The following BAIAP2 variants were observed in gnomAD, a reference collection of about 807,000 sequenced individuals.
The protein encoded by BAIAP2 is BAR/IMD domain containing adaptor protein 2, also known as BAR/IMD domain-containing adapter protein 2.
A neutral mutation model predicts 63.0 loss-of-function variants in BAIAP2; 18 were observed. That is an observed-to-expected ratio of 0.29 (90% CI 0.20 to 0.42). The LOEUF is 0.42. Among genes scored for constraint, BAIAP2 ranks in the 10% least tolerant of loss-of-function variants. BAIAP2 has a pLI of 1.00. For missense variants in BAIAP2, 610 were observed against 734.3 expected (o/e 0.83, Z 1.96); for synonymous variants, 386 against 307.6 (o/e 1.25, Z -2.67).
Position 81,116,473 on chromosome 17 carries a change from T to G in BAIAP2, c.*634T>G. 22 of 737,352 alleles carry G rather than the reference T, an allele frequency of 3.0e-5. No homozygotes were observed. Among genetic ancestry groups the G allele is most frequent in the Non-Finnish European group, 4.6e-5 (22 of 483,446 alleles). 45.7% of individuals were successfully genotyped at this position (737,352 alleles called of 1,614,324 possible). A position where few individuals can be genotyped will look rare whatever the true frequency, so the allele number is the denominator to read the frequency against. On this transcript the variant is annotated 3_prime_UTR_variant, in exon 14 of 14. Transcript: ENST00000428708. Reference sequence around the variant, plus strand: ...TCCTGCCTCGGGCAGGCCCCAGCCCTCCTCCTTACCCAACCTCCCATCCAG... The same window carrying G: ...TCCTGCCTCGGGCAGGCCCCAGCCCGCCTCCTTACCCAACCTCCCATCCAG...
chr17:81,066,055 T>C (rs2144635243), intron 3 of BAIAP2, among the ~76,000 whole-genome samples: 1 of 152,364 alleles, frequency 6.6e-6, no homozygotes, highest in East Asian at 1.9e-4. Context: ...CCTGTTGTGT[T>C]TCTTGTCCAA....
At chr17:81,048,046 C>T (rs1052147485) in intron 1 of BAIAP2, among the ~76,000 whole-genome samples, 16 of 152,314 alleles carry the variant, frequency 1.1e-4, no homozygotes, top group South Asian at 1.0e-3. Context: ...GCCAGGAAAG[C>T]GCTGGAGAGG....
At chr17:81,056,822 C>CGTTTTTCTGCTGTTGT in intron 2 of BAIAP2, among the ~76,000 whole-genome samples, 1 of 152,170 alleles carries the variant, frequency 6.6e-6, no homozygotes, top group East Asian at 1.9e-4. Flanking sequence ...TCTGCTGTTG[C>CGTTTTTCTGCTGTTGT]GTTTTTCTGC....
At chr17:81,109,230 C>T (rs1010046770) in intron 13 of BAIAP2, 6 of 1,370,304 alleles carry the variant, frequency 4.4e-6, no homozygotes, top group Non-Finnish European at 5.6e-6. Flanking sequence ...TGTGTCCCAG[C>T]CTTTTGAGCA....
chr17:81,108,589 C>T, intron 13 of BAIAP2, 80 bp downstream of exon 13: 2 of 1,551,398 alleles, frequency 1.3e-6, no homozygotes, highest in South Asian at 1.1e-5. Flanking sequence ...TCTGCTAGGA[C>T]CTGGGGCCAC....
intron 1 of BAIAP2, among the ~76,000 whole-genome samples, chr17:81,038,136 C>T (rs2046548894): frequency 6.6e-6 from 1 of 152,228 alleles, no homozygotes; most frequent in African/African-American, 2.4e-5. Context: ...AGCGCTTGCT[C>T]AGGTTGCCCT....
chr17:81,092,138 G>A (rs767369971), intron 6 of BAIAP2, among the ~76,000 whole-genome samples: 4 of 152,252 alleles, frequency 2.6e-5, no homozygotes, highest in Admixed American at 6.5e-5. Context: ...TGATTGCCGG[G>A]GTCTCCAGTG....
At chr17:81,047,258 T>A (rs4077126) in intron 1 of BAIAP2, among the ~76,000 whole-genome samples, 3 of 151,930 alleles carry the variant, frequency 2.0e-5, no homozygotes, top group Non-Finnish European at 4.4e-5. Context: ...GCCAGGACTC[T>A]GGGCTCCACC....
chr17:81,065,539 G>A (rs1254968376), intron 3 of BAIAP2, among the ~76,000 whole-genome samples: 3 of 152,224 alleles, frequency 2.0e-5, no homozygotes, highest in Non-Finnish European at 4.4e-5. Context: ...GTGGAGGACA[G>A]CTGTCCAGTC....
intron 3 of BAIAP2, 26 bp from the exon 4 acceptor site, chr17:81,084,806 C>G (rs758680350): frequency 2.5e-6 from 4 of 1,611,922 alleles, no homozygotes. Flanking sequence ...ACTCCCTCCC[C>G]TTCCTTCTGC....
At chr17:81,074,480 A>G (rs1047333925) in intron 3 of BAIAP2, among the ~76,000 whole-genome samples, 1 of 145,874 alleles carries the variant, frequency 6.9e-6, no homozygotes, top group African/African-American at 2.6e-5. Flanking sequence ...GCACGGATAC[A>G]TGTGAATGCC....
chr17:81,043,366 G>A (rs115793647), intron 1 of BAIAP2, among the ~76,000 whole-genome samples: 106 of 152,330 alleles, frequency 7.0e-4, no homozygotes, highest in African/African-American at 2.5e-3. Flanking sequence ...CATGGATGGA[G>A]CATCAGCCTC....
intron 3 of BAIAP2, chr17:81,083,477 C>G (rs1487096638): frequency 8.5e-5 from 13 of 152,206 alleles, no homozygotes; most frequent in African/African-American, 2.9e-4. Context: ...GGGGCCGGAC[C>G]ACCCAGTTCC....
intron 3 of BAIAP2, among the ~76,000 whole-genome samples, chr17:81,069,662 C>T (rs1356670299): frequency 2.0e-5 from 3 of 152,218 alleles, no homozygotes; most frequent in Non-Finnish European, 4.4e-5. Context: ...GCGTGGTTCT[C>T]CATCCATGGC....
intron 3 of BAIAP2, among the ~76,000 whole-genome samples, chr17:81,060,035 G>A (rs192603705): frequency 3.3e-5 from 5 of 152,358 alleles, no homozygotes; most frequent in Non-Finnish European, 1.5e-5. Flanking sequence ...ACTTGGATCA[G>A]GGAGCGTCTG....
At chr17:81,097,940 C>CA (rs1452732379) in intron 6 of BAIAP2, among the ~76,000 whole-genome samples, 1 of 152,242 alleles carries the variant, frequency 6.6e-6, no homozygotes, top group Non-Finnish European at 1.5e-5. Flanking sequence ...GAGCCCTTGA[C>CA]ATCCAGGGTC....
chr17:81,045,715 G>C (rs1211982485), intron 1 of BAIAP2, among the ~76,000 whole-genome samples: 1 of 152,186 alleles, frequency 6.6e-6, no homozygotes, highest in Middle Eastern at 3.2e-3. Context: ...CCCTGCAGGA[G>C]TCCCTGGTAT....
At chr17:81,083,742 C>G (rs1347809659) in intron 3 of BAIAP2, 1 of 152,266 alleles carries the variant, frequency 6.6e-6, no homozygotes, top group Non-Finnish European at 1.5e-5. Flanking sequence ...GTGGTCGCAC[C>G]TGCTGGCCTT....
chr17:81,074,579 ATGTGTGAG>A (rs2053310955), intron 3 of BAIAP2, among the ~76,000 whole-genome samples: 5 of 130,804 alleles, frequency 3.8e-5, no homozygotes, highest in Non-Finnish European at 4.8e-5. Flanking sequence ...GCGTGCATGG[ATGTGTGAG>A]TGCCTGTGTG....
Sources: allele counts gnomAD v4.1 joint callset (sites outside exome capture counted in the v4.1 genomes callset), GRCh38; gene constraint gnomAD v4.1.1; transcripts MANE v1.5; gene names NCBI Gene and HGNC (gene_info 2026-07-23, HGNC 2026-07-21).